The following NEGR1 variants were observed in gnomAD, a reference collection of about 807,000 sequenced individuals.
NEGR1 encodes the protein IgLON family member 4.
A neutral mutation model predicts 40.9 loss-of-function variants in NEGR1; 10 were observed. The ratio of observed to expected loss-of-function variants is 0.24; its 90% confidence interval spans 0.15 to 0.42. The LOEUF (loss-of-function observed/expected upper bound fraction) is 0.42. Among genes scored for constraint, NEGR1 ranks in the 10% least tolerant of loss-of-function variants. NEGR1 has a pLI of 1.00. For missense variants in NEGR1, 352 were observed against 438.9 expected (o/e 0.80, Z 1.77); for synonymous variants, 185 against 166.8 (o/e 1.11, Z -0.84).
chr1:71,708,209 A>C (rs1027186729), intron 3 of NEGR1, among the ~76,000 whole-genome samples: 1 of 152,122 alleles, frequency 6.6e-6, no homozygotes, highest in African/African-American at 2.4e-5. Context: ...GTGCCCTTTC[A>C]AACAGAGGAT....
chr1:72,033,213 TG>T (rs1646874435), intron 1 of NEGR1, among the ~76,000 whole-genome samples: 2 of 152,180 alleles, frequency 1.3e-5, no homozygotes, highest in Non-Finnish European at 2.9e-5. Context: ...TTTTAATATA[TG>T]TATAGGATAT....
chr1:71,895,561 G>T (rs1344949765), intron 2 of NEGR1, among the ~76,000 whole-genome samples: 1 of 133,992 alleles, frequency 7.5e-6, no homozygotes, highest in Non-Finnish European at 1.6e-5. Context: ...TTGTGGTCTT[G>T]GTGCCTGGCT....
intron 1 of NEGR1, among the ~76,000 whole-genome samples, chr1:72,011,882 T>C (rs1646660225): frequency 6.6e-6 from 1 of 152,114 alleles, no homozygotes; most frequent in South Asian, 2.1e-4. Flanking sequence ...AAATCCTAAG[T>C]GATGACAGAG....
At chr1:72,214,797 A>T (rs932115331) in intron 1 of NEGR1, among the ~76,000 whole-genome samples, 1 of 152,030 alleles carries the variant, frequency 6.6e-6, no homozygotes, top group Non-Finnish European at 1.5e-5. Context: ...AGTAATTTAT[A>T]GATTCAATGC....
At chr1:71,877,171 A>C (rs1660456572) in intron 2 of NEGR1, among the ~76,000 whole-genome samples, 1 of 152,052 alleles carries the variant, frequency 6.6e-6, no homozygotes, top group African/African-American at 2.4e-5. Context: ...AAACAAAAAA[A>C]GGGTCTGAGA....
intron 1 of NEGR1, among the ~76,000 whole-genome samples, chr1:72,011,390 T>C (rs1646655789): frequency 1.3e-5 from 2 of 152,136 alleles, no homozygotes; most frequent in South Asian, 2.1e-4. Flanking sequence ...CAATGTTATA[T>C]AATAGCATTC....
rs144840856 is a variant in NEGR1, at chr1:71,803,377, C to A, written c.410-27080G>T. On this transcript the variant is annotated intron_variant, in intron 2 of 6. Coordinates refer to ENST00000357731, the MANE Select transcript of NEGR1 (RefSeq NM_173808.3). ...AATAACTATCTTTAGTTAAGTCACT[C>A]AGTCTTTGGTATTCTGTTATGGTAG... Among the ~76,000 whole-genome samples, 77 of 152,274 alleles carry A rather than the reference C, an allele frequency of 5.1e-4. 1 individual carries two copies. The highest frequency in any genetic ancestry group is 1.8e-3 in the African/African-American group (76 of 41,560).
chr1:71,737,062 A>G (rs1485182451), intron 3 of NEGR1, among the ~76,000 whole-genome samples: 2 of 152,210 alleles, frequency 1.3e-5, no homozygotes, highest in African/African-American at 4.8e-5. Flanking sequence ...CCATTCATGC[A>G]TGTTTTAAGC....
intron 1 of NEGR1, among the ~76,000 whole-genome samples, chr1:71,969,378 C>T (rs986987320): frequency 3.3e-5 from 5 of 152,314 alleles, no homozygotes; most frequent in Admixed American, 1.3e-4. Context: ...AACTAAGATT[C>T]TTCTGTTGAA....
At chr1:71,961,229 G>A (rs951811327) in intron 1 of NEGR1, among the ~76,000 whole-genome samples, 26 of 152,252 alleles carry the variant, frequency 1.7e-4, no homozygotes, top group Admixed American at 4.6e-4. Context: ...CATTCCCAGA[G>A]TTTGTGTGTG....
At chr1:71,853,698 A>G (rs1374673505) in intron 2 of NEGR1, among the ~76,000 whole-genome samples, 1 of 152,180 alleles carries the variant, frequency 6.6e-6, no homozygotes, top group African/African-American at 2.4e-5. Flanking sequence ...TGTCCACAAT[A>G]GACAGATCCA....
chr1:71,688,343 T>A (rs1653117329), intron 4 of NEGR1, among the ~76,000 whole-genome samples: 1 of 73,598 alleles, frequency 1.4e-5, no homozygotes, highest in African/African-American at 4.7e-5. Context: ...GATAGATAGA[T>A]AGATAGATAG....
At chr1:71,493,745 C>T (rs1193548820) in intron 6 of NEGR1, among the ~76,000 whole-genome samples, 1 of 152,286 alleles carries the variant, frequency 6.6e-6, no homozygotes, top group East Asian at 1.9e-4. Context: ...CAACCAAATT[C>T]AAGTATCTTA....
intron 1 of NEGR1, among the ~76,000 whole-genome samples, chr1:72,089,354 C>T (rs531494213): frequency 6.6e-5 from 10 of 152,206 alleles, no homozygotes; most frequent in East Asian, 1.9e-4. Context: ...TGAGTTAATA[C>T]GTTCAATATG....
intron 3 of NEGR1, among the ~76,000 whole-genome samples, chr1:71,770,512 G>A (rs1226541482): frequency 6.6e-6 from 1 of 152,128 alleles, no homozygotes; most frequent in Admixed American, 6.5e-5. Context: ...AACTCCAATT[G>A]TATGGTATAA....
chr1:72,057,299 C>A (rs1320057036), intron 1 of NEGR1, among the ~76,000 whole-genome samples: 1 of 151,350 alleles, frequency 6.6e-6, no homozygotes, highest in East Asian at 1.9e-4. Flanking sequence ...CATTTAAATC[C>A]AAACTTAATT....
chr1:71,549,701 A>G (rs1266461516), intron 6 of NEGR1, among the ~76,000 whole-genome samples: 1 of 151,706 alleles, frequency 6.6e-6, no homozygotes, highest in Admixed American at 6.6e-5. Context: ...AGCAATGCAT[A>G]GAGAATTCCA....
chr1:71,886,491 T>G (rs946462964), intron 2 of NEGR1, among the ~76,000 whole-genome samples: 12 of 149,742 alleles, frequency 8.0e-5, no homozygotes, highest in Non-Finnish European at 1.3e-4. Flanking sequence ...AAGGGAGAGA[T>G]GGAAGGAGGA....
chr1:72,015,982 G>A (rs1197357815), intron 1 of NEGR1, among the ~76,000 whole-genome samples: 3 of 152,070 alleles, frequency 2.0e-5, no homozygotes, highest in African/African-American at 4.8e-5. Flanking sequence ...GAAATGAGAA[G>A]AGCAAAAATA....
Sources: gnomAD v4.1 joint callset for allele counts (sites outside exome capture counted in the v4.1 genomes callset) on GRCh38, gnomAD v4.1.1 for gene constraint, MANE v1.5 for transcripts, NCBI Gene and HGNC (gene_info 2026-07-23, HGNC 2026-07-21) for gene names.